The following MTMR4 variants were observed in gnomAD, a reference collection of about 807,000 sequenced individuals.
The protein encoded by MTMR4 is phosphatidylinositol-3,5-bisphosphate 3-phosphatase MTMR4.
Under a neutral mutation model 125.5 loss-of-function variants are expected in MTMR4, and 30 were observed. That is an observed-to-expected ratio of 0.24 (90% CI 0.18 to 0.32). The LOEUF (loss-of-function observed/expected upper bound fraction) is 0.32, where lower values mean the gene tolerates loss of function less well. MTMR4 is among the 10% of genes least tolerant of loss of function. The probability of loss-of-function intolerance (pLI) is 1.00; values close to 1 mark genes in which losing one functional copy is unlikely to be tolerated. For missense variants in MTMR4, 1,039 were observed against 1,511.5 expected (o/e 0.69, Z 5.18); for synonymous variants, 498 against 564.5 (o/e 0.88, Z 1.67).
Position 58,505,522 on chromosome 17 carries a change from G to A in MTMR4, c.1095C>T (p.Asn365=). 6.2e-7 allele frequency: 1 copy of A among 1,613,298 alleles called. No homozygotes were observed. The highest frequency in any genetic ancestry group is 8.5e-7 in the Non-Finnish European group (1 of 1,179,514). The change falls in exon 10 of 18, where the codon AAC becomes AAT. Residue 365 remains asparagine, a synonymous_variant. Coordinates refer to ENST00000682306, the MANE Select transcript of MTMR4 (RefSeq NM_001378067.1). ...MGMANIHAIR[N]SFQYLRAVCS... Reference sequence around the variant, plus strand: ...ACACAGCCCGGAGGTACTGAAAGCTGTTCCGGATGGCATGGATGTTGGCCA... The same window carrying A: ...ACACAGCCCGGAGGTACTGAAAGCTATTCCGGATGGCATGGATGTTGGCCA...
In MTMR4 at chr17:58,499,989, G is replaced by A. The variant is rs147350204; in HGVS notation, c.1854-3659C>T. On this transcript the variant is annotated intron_variant, in intron 14 of 17. Coordinates refer to ENST00000682306, the MANE Select transcript of MTMR4 (RefSeq NM_001378067.1). ...AAATTTATTTAAATTTACTTATTAC[G>A]TGCCAGGTTCTAAGCCAGATACACA... Among the ~76,000 whole-genome samples the A allele has an allele frequency of 5.9e-3, 889 of 151,958 alleles. 6 individuals are homozygous for A. Among genetic ancestry groups the A allele is most frequent in the African/African-American group, 9.4e-3 (389 of 41,416 alleles).
At position 58,501,518 on chromosome 17, in the gene MTMR4, A is replaced by G. The variant is rs762332623; in HGVS notation, c.1853+2226T>C. On this transcript the variant is annotated intron_variant, in intron 14 of 17. Coordinates refer to ENST00000682306, the MANE Select transcript of MTMR4 (RefSeq NM_001378067.1). ...AAAAAAGCTCTCAGCCAATAAACAA[A>G]TATCAAAATTTGAGATATATATACA... Among the ~76,000 whole-genome samples the G allele has an allele frequency of 2.0e-5, 3 of 151,858 alleles. No individual in the cohort carries two copies. The South Asian group carries it at 6.2e-4, about 32-fold the overall frequency.
intron 14 of MTMR4, among the ~76,000 whole-genome samples, chr17:58,498,487 G>A (rs1199868046): frequency 2.2e-5 from 3 of 135,318 alleles, no homozygotes; most frequent in African/African-American, 8.1e-5. Flanking sequence ...TGACTTTAAT[G>A]GAAGAAGAAG....
At position 58,490,021 on chromosome 17, in the gene MTMR4, G is replaced by C. The variant is rs1478219120; in HGVS notation, c.*1642C>G. The C allele has an allele frequency of 1.3e-5, 2 of 152,512 alleles. No individual in the cohort carries two copies. The highest frequency in any genetic ancestry group is 4.1e-4 in the South Asian group (2 of 4,824). The allele number at this position is 152,512 out of a possible 1,614,324, so 9.4% of individuals were successfully genotyped here. On this transcript the variant is annotated 3_prime_UTR_variant, in exon 18 of 18. Transcript: ENST00000682306. ...CCATTTAAATGAAAAAAAAAGTTCC[G>C]CTAGGCTGACCTAAATATGCCAAAA...
chr17:58,508,273 A>G lies in MTMR4; in HGVS notation c.595T>C (p.Leu199=), dbSNP rs199766264. ...AGCTTCTGGGGGTAACTGGGGCACAATCTGAGAAGAGACCAGGTGGGGGTC... is the reference window on the plus strand; with the variant it reads ...AGCTTCTGGGGGTAACTGGGGCACAGTCTGAGAAGAGACCAGGTGGGGGTC... ...RVSHINSNYK[L]CPSYPQKLLV... is the part of the protein sequence containing the mutation. Residue 199 remains leucine (L), a splice_region_variant and synonymous_variant, in exon 7 of 18, where the codon TTG becomes CTG. Coordinates refer to ENST00000682306, the MANE Select transcript of MTMR4 (RefSeq NM_001378067.1). The surrounding 1 kb of genome is among the most constrained non-coding windows in gnomAD (Gnocchi z 4.8). 6.1e-5 allele frequency: 98 copies of G among 1,613,664 alleles called. No homozygotes were observed. Among genetic ancestry groups the G allele is most frequent in the Admixed American group, 2.3e-4 (14 of 60,008 alleles).
chr17:58,492,421 G>T (rs543326460), intron 17 of MTMR4, 90 bp downstream of exon 17: 10 of 1,112,838 alleles, frequency 9.0e-6, no homozygotes, highest in African/African-American at 6.2e-5. Context: ...CGCCTGCCTC[G>T]GCCTCCCAAG....
At chr17:58,517,650 G>C (rs934670175), upstream of MTMR4, among the ~76,000 whole-genome samples, 7 of 152,244 alleles carry the variant, frequency 4.6e-5, no homozygotes, top group Admixed American at 2.6e-4. Context: ...GGTTGGCAGG[G>C]GAGCCCAGGT....
chr17:58,501,340 C>T (rs1222947322), intron 14 of MTMR4, among the ~76,000 whole-genome samples: 1 of 151,920 alleles, frequency 6.6e-6, no homozygotes, highest in Non-Finnish European at 1.5e-5. Context: ...CCCGTCTCTA[C>T]AAAAAATAAA....
upstream of MTMR4, chr17:58,517,729 G>A (rs1401621037): frequency 6.6e-6 from 1 of 152,618 alleles, no homozygotes; most frequent in South Asian, 2.1e-4. Context: ...GCGGGACTCA[G>A]GAAAGCCGGT....
chr17:58,500,340 T>C (rs942237165), intron 14 of MTMR4, among the ~76,000 whole-genome samples: 22 of 152,056 alleles, frequency 1.4e-4, no homozygotes, highest in Non-Finnish European at 2.6e-4. Flanking sequence ...TTGCCCAGGT[T>C]GGTCTCAAAC....
intron 15 of MTMR4, 58 bp from the exon 16 acceptor site, chr17:58,493,010 C>T: frequency 1.4e-6 from 2 of 1,416,022 alleles, no homozygotes; most frequent in Non-Finnish European, 1.0e-6. Flanking sequence ...TTACTGTTTA[C>T]CATGTGTCAG....
intron 15 of MTMR4, among the ~76,000 whole-genome samples, chr17:58,494,320 C>CAAAA (rs59888430): frequency 3.4e-5 from 3 of 88,922 alleles, no homozygotes; most frequent in Non-Finnish European, 4.4e-5. Flanking sequence ...GACTCCGTCT[C>CAAAA]AAAAAAAAAA....
chr17:58,511,393 G>T (rs758124715), intron 4 of MTMR4, 36 bp downstream of exon 4: 2 of 1,566,196 alleles, frequency 1.3e-6, no homozygotes, highest in African/African-American at 1.4e-5. Context: ...ACAAGACTAG[G>T]GCCAGGGGAC....
At chr17:58,511,182 A>G (rs1414373857) in intron 4 of MTMR4, 1 of 389,562 alleles carries the variant, frequency 2.6e-6, no homozygotes, top group Non-Finnish European at 4.6e-6. Flanking sequence ...GCTTTCATAC[A>G]CATACACATT....
intron 14 of MTMR4, among the ~76,000 whole-genome samples, chr17:58,497,306 GA>G (rs1413209757): frequency 2.6e-5 from 4 of 152,086 alleles, no homozygotes; most frequent in African/African-American, 9.7e-5. Context: ...ATACATACTT[GA>G]TATACCTTTT....
At chr17:58,517,040 A>G (rs1461390489), upstream of MTMR4, among the ~76,000 whole-genome samples, 2 of 152,222 alleles carry the variant, frequency 1.3e-5, no homozygotes, top group African/African-American at 2.4e-5. Context: ...ATGAATCCAC[A>G]GGAATGTTTT....
At chr17:58,501,982 C>T (rs1355128849) in intron 14 of MTMR4, among the ~76,000 whole-genome samples, 3 of 151,528 alleles carry the variant, frequency 2.0e-5, no homozygotes, top group Non-Finnish European at 4.4e-5. Context: ...TCACCTGAAC[C>T]CGGGAGGCAG....
At chr17:58,496,371 C>T (rs919528411) in intron 14 of MTMR4, 41 bp from the exon 15 acceptor site, 1 of 1,495,646 alleles carries the variant, frequency 6.7e-7, no homozygotes, top group Non-Finnish European at 9.1e-7. Flanking sequence ...AGGAGATGGG[C>T]ACTTGCAATA....
chr17:58,498,124 G>T (rs542341769), intron 14 of MTMR4, among the ~76,000 whole-genome samples: 2 of 152,140 alleles, frequency 1.3e-5, no homozygotes, highest in African/African-American at 4.8e-5. Flanking sequence ...GCTCCTACTT[G>T]GGAGGCTGAG....
Sources: gnomAD v4.1 joint callset for allele counts (sites outside exome capture counted in the v4.1 genomes callset) on GRCh38, gnomAD v4.1.1 for gene constraint, Gnocchi (gnomAD v3.1) non-coding constraint, MANE v1.5 for transcripts, NCBI Gene and HGNC (gene_info 2026-07-23, HGNC 2026-07-21) for gene names.